EFNA5: variants seen among roughly 807,000 people sequenced by gnomAD.
EFNA5 encodes the protein ephrin A5.
Under a neutral mutation model 22.9 loss-of-function variants are expected in EFNA5, and 5 were observed. That is an observed-to-expected ratio of 0.22 (90% CI 0.11 to 0.46). EFNA5 has a LOEUF of 0.46. EFNA5 is among the 20% of genes least tolerant of loss of function. The pLI is 0.99. For missense variants in EFNA5, 237 were observed against 293.3 expected (o/e 0.81, Z 1.40); for synonymous variants, 113 against 112.2 (o/e 1.01, Z -0.04).
chr5:107,473,976 C>A (rs1561401982), intron 1 of EFNA5, among the ~76,000 whole-genome samples: 1 of 152,064 alleles, frequency 6.6e-6, no homozygotes, highest in Non-Finnish European at 1.5e-5. Context: ...ACTTTAACAT[C>A]CACATAGCAA....
intron 1 of EFNA5, among the ~76,000 whole-genome samples, chr5:107,607,279 T>C (rs1749743148): frequency 6.6e-6 from 1 of 151,982 alleles, no homozygotes; most frequent in Non-Finnish European, 1.5e-5. Context: ...ATGATCCTTC[T>C]CCCACCCCGG....
chr5:107,466,012 G>A (rs765837901), intron 1 of EFNA5, among the ~76,000 whole-genome samples: 4 of 152,078 alleles, frequency 2.6e-5, no homozygotes, highest in Admixed American at 6.6e-5. Flanking sequence ...GGAGAAAGTC[G>A]GGAGCAGGAG....
At chr5:107,411,331 C>A (rs1748361091) in intron 2 of EFNA5, among the ~76,000 whole-genome samples, 1 of 152,040 alleles carries the variant, frequency 6.6e-6, no homozygotes, top group South Asian at 2.1e-4. Flanking sequence ...AAAAACAAAC[C>A]AACAAAAAAA....
intron 1 of EFNA5, among the ~76,000 whole-genome samples, chr5:107,482,036 G>A (rs899190323): frequency 1.1e-4 from 16 of 151,804 alleles, no homozygotes; most frequent in African/African-American, 1.9e-4. Flanking sequence ...CTGGCTGGGC[G>A]TAGTGGCTCA....
chr5:107,461,664 A>T (rs1749839368), intron 1 of EFNA5, among the ~76,000 whole-genome samples: 1 of 152,280 alleles, frequency 6.6e-6, no homozygotes, highest in South Asian at 2.1e-4. Flanking sequence ...TTTATGTGAG[A>T]ATAGCAAAAG....
intron 1 of EFNA5, among the ~76,000 whole-genome samples, chr5:107,587,598 G>A (rs976490475): frequency 6.6e-6 from 1 of 152,066 alleles, no homozygotes; most frequent in African/African-American, 2.4e-5. Context: ...CTCACTGCAA[G>A]CTCCGCCTCC....
chr5:107,496,151 C>T (rs1215787125), intron 1 of EFNA5, among the ~76,000 whole-genome samples: 1 of 137,716 alleles, frequency 7.3e-6, no homozygotes, highest in Non-Finnish European at 1.5e-5. Flanking sequence ...CATGGTGAAA[C>T]CCCTGTCTCT....
chr5:107,452,665 T>C (rs1188875001), intron 1 of EFNA5, among the ~76,000 whole-genome samples: 1 of 152,136 alleles, frequency 6.6e-6, no homozygotes, highest in African/African-American at 2.4e-5. Flanking sequence ...AGGTCAAGGC[T>C]GCAGTGAATC....
intron 1 of EFNA5, among the ~76,000 whole-genome samples, chr5:107,597,368 C>T (rs1176965724): frequency 6.6e-6 from 1 of 152,136 alleles, no homozygotes; most frequent in Non-Finnish European, 1.5e-5. Context: ...AGCTTCCACT[C>T]AGCCAACATT....
intron 1 of EFNA5, among the ~76,000 whole-genome samples, chr5:107,592,537 A>T (rs910799006): frequency 8.5e-5 from 13 of 152,192 alleles, no homozygotes; most frequent in African/African-American, 2.9e-4. Context: ...AATTACTTAA[A>T]AACTGGTCTC....
chr5:107,442,545 T>C (rs1161626203), intron 1 of EFNA5, among the ~76,000 whole-genome samples: 1 of 152,208 alleles, frequency 6.6e-6, no homozygotes, highest in Non-Finnish European at 1.5e-5. Context: ...CTAGGAAAGT[T>C]GAGCTGATTG....
At chr5:107,512,364 A>AAAC (rs138250906) in intron 1 of EFNA5, among the ~76,000 whole-genome samples, 44 of 149,494 alleles carry the variant, frequency 2.9e-4, no homozygotes, top group Non-Finnish European at 5.0e-4. Context: ...AAAACAAACA[A>AAAC]AACAACAACA....
Position 107,670,709 on chromosome 5 carries a change from G to A in EFNA5, c.-96C>T. The A allele has an allele frequency of 6.7e-7, 1 of 1,491,428 alleles. No homozygotes were observed. Among genetic ancestry groups the A allele is most frequent in the Non-Finnish European group, 8.9e-7 (1 of 1,117,384 alleles). 92.4% of individuals were successfully genotyped at this position (1,491,428 alleles called of 1,614,324 possible). A position where few individuals can be genotyped will look rare whatever the true frequency, so the allele number is the denominator to read the frequency against. ...GCAGGCAAAGGGACAGAGAGAGAGC[G>A]GGCGCCAAATAAATATGAATAAATA... is the stretch of plus-strand genomic sequence containing the variant. On this transcript the variant is annotated 5_prime_UTR_variant, in exon 1 of 5. Transcript: ENST00000333274.
At chr5:107,407,018 G>A (rs1441304316) in intron 2 of EFNA5, among the ~76,000 whole-genome samples, 1 of 152,200 alleles carries the variant, frequency 6.6e-6, no homozygotes, top group Non-Finnish European at 1.5e-5. Flanking sequence ...CTATCAAGAT[G>A]AATAAGTAGC....
chr5:107,464,475 AG>A (rs1232827505), intron 1 of EFNA5, among the ~76,000 whole-genome samples: 1 of 152,138 alleles, frequency 6.6e-6, no homozygotes, highest in East Asian at 1.9e-4. Flanking sequence ...CGGGGAGCAA[AG>A]GGGAGAAATT....
chr5:107,554,164 G>T (rs777592310), intron 1 of EFNA5, among the ~76,000 whole-genome samples: 44 of 152,152 alleles, frequency 2.9e-4, no homozygotes, highest in Non-Finnish European at 5.9e-4. Context: ...CCTATAATTT[G>T]TTAGCACTGT....
intron 1 of EFNA5, 119 bp from the exon 2 acceptor site, chr5:107,427,628 C>A (rs1048859529): frequency 2.3e-6 from 2 of 859,038 alleles, no homozygotes; most frequent in South Asian, 2.4e-5. Flanking sequence ...TAAGTTCTTA[C>A]TGAATGCCAT....
chr5:107,654,728 T>C (rs1330198429), intron 1 of EFNA5, among the ~76,000 whole-genome samples: 2 of 152,080 alleles, frequency 1.3e-5, no homozygotes, highest in Admixed American at 6.6e-5. Context: ...GTAAAATACA[T>C]TGACATAACT....
intron 2 of EFNA5, among the ~76,000 whole-genome samples, chr5:107,411,987 T>G (rs1748379890): frequency 6.6e-6 from 1 of 152,218 alleles, no homozygotes; most frequent in Admixed American, 6.5e-5. Context: ...TATCAAATGT[T>G]CATAATTATT....
Sources: gnomAD v4.1 joint callset for allele counts (sites outside exome capture counted in the v4.1 genomes callset) on GRCh38, gnomAD v4.1.1 for gene constraint, MANE v1.5 for transcripts, NCBI Gene and HGNC (gene_info 2026-07-23, HGNC 2026-07-21) for gene names.